Variants in PABPC4L observed in about 807,000 individuals in gnomAD.
The protein encoded by PABPC4L is polyadenylate-binding protein 4-like.
For synonymous variants in PABPC4L, 169 were observed against 164.1 expected, an observed-to-expected ratio of 1.03 and a Z score of -0.23; for missense variants, 452 against 451.4, an observed-to-expected ratio of 1.00 and a Z score of -0.01.
the PABPC4L span, among the ~76,000 whole-genome samples, chr4:134,150,148 T>A: frequency 6.6e-6 from 1 of 151,226 alleles, no homozygotes; most frequent in South Asian, 2.1e-4. Context: ...AATGGCGCGA[T>A]CTCGGCTCAC....
the PABPC4L span, among the ~76,000 whole-genome samples, chr4:134,094,271 T>G: frequency 4.6e-5 from 7 of 151,970 alleles, no homozygotes; most frequent in South Asian, 4.1e-4. Flanking sequence ...TCAACCAAGA[T>G]AGCCATTCAC....
chr4:134,182,480 C>G, the PABPC4L span, among the ~76,000 whole-genome samples: 2 of 151,884 alleles, frequency 1.3e-5, no homozygotes, highest in African/African-American at 4.8e-5. Flanking sequence ...ATATGTAAAG[C>G]CCAAAACTAT....
the PABPC4L span, among the ~76,000 whole-genome samples, chr4:134,124,992 C>A: frequency 6.6e-6 from 1 of 152,052 alleles, no homozygotes; most frequent in Non-Finnish European, 1.5e-5. Context: ...TTATTGAAGA[C>A]CACACCGGTA....
the PABPC4L span, among the ~76,000 whole-genome samples, chr4:134,058,940 T>G: frequency 2.4e-4 from 37 of 151,924 alleles, 1 homozygote; most frequent in Non-Finnish European, 4.4e-4. Context: ...AACACTGAAA[T>G]CTAAGTGTTA....
the PABPC4L span, among the ~76,000 whole-genome samples, chr4:134,059,392 A>ATATATG: frequency 6.7e-6 from 1 of 149,534 alleles, no homozygotes; most frequent in Admixed American, 6.7e-5. Flanking sequence ...CAAACTATAT[A>ATATATG]TATATATATA....
At chr4:133,996,484 G>A in the PABPC4L span, among the ~76,000 whole-genome samples, 1 of 152,152 alleles carries the variant, frequency 6.6e-6, no homozygotes, top group East Asian at 1.9e-4. Context: ...TGTTGCTGTT[G>A]AGCTGATAAC....
At chr4:134,022,315 AG>A in the PABPC4L span, among the ~76,000 whole-genome samples, 4 of 152,160 alleles carry the variant, frequency 2.6e-5, no homozygotes, top group Admixed American at 6.6e-5. Context: ...TCCCTAAATT[AG>A]CCGCATTCAG....
At chr4:134,020,837 C>T in the PABPC4L span, among the ~76,000 whole-genome samples, 4 of 152,018 alleles carry the variant, frequency 2.6e-5, no homozygotes, top group Admixed American at 6.6e-5. Context: ...TATATAATCT[C>T]ATAATATAGT....
At chr4:134,195,436 T>C (rs957371493), downstream of PABPC4L, among the ~76,000 whole-genome samples, 8 of 151,600 alleles carry the variant, frequency 5.3e-5, no homozygotes, top group African/African-American at 1.9e-4. Context: ...TGATATTCAC[T>C]GAATGCAAAA....
At chr4:134,115,386 G>C in the PABPC4L span, among the ~76,000 whole-genome samples, 1 of 151,708 alleles carries the variant, frequency 6.6e-6, no homozygotes, top group Non-Finnish European at 1.5e-5. Flanking sequence ...GAGAGAGGGG[G>C]AGAATGAGGG....
chr4:134,016,915 T>G, the PABPC4L span, among the ~76,000 whole-genome samples: 2 of 152,152 alleles, frequency 1.3e-5, no homozygotes, highest in African/African-American at 4.8e-5. Flanking sequence ...ACTACTCACA[T>G]GCCCCAAGTA....
chr4:134,081,461 G>A, the PABPC4L span, among the ~76,000 whole-genome samples: 1 of 152,086 alleles, frequency 6.6e-6, no homozygotes, highest in Non-Finnish European at 1.5e-5. Flanking sequence ...AAGAGAAGAG[G>A]GATGTTCTTC....
At chr4:134,109,725 G>T in the PABPC4L span, among the ~76,000 whole-genome samples, 2 of 151,646 alleles carry the variant, frequency 1.3e-5, no homozygotes, top group Non-Finnish European at 1.5e-5. Flanking sequence ...TTAAATCAAA[G>T]ATTTTATTAT....
chr4:133,979,265 C>CA, the PABPC4L span, among the ~76,000 whole-genome samples: 1 of 152,112 alleles, frequency 6.6e-6, no homozygotes. Context: ...AAATCTAATA[C>CA]AATTTTTATG....
chr4:134,151,425 A>G, the PABPC4L span, among the ~76,000 whole-genome samples: 9 of 152,078 alleles, frequency 5.9e-5, no homozygotes, highest in Non-Finnish European at 1.2e-4. Context: ...CATCAAAACG[A>G]TCATATTATA....
the PABPC4L span, among the ~76,000 whole-genome samples, chr4:134,148,091 C>A: frequency 6.6e-6 from 1 of 152,016 alleles, no homozygotes; most frequent in Non-Finnish European, 1.5e-5. Flanking sequence ...CCAGCACTCA[C>A]AATGCACAGA....
chr4:134,020,435 T>C, the PABPC4L span, among the ~76,000 whole-genome samples: 1 of 152,130 alleles, frequency 6.6e-6, no homozygotes, highest in Non-Finnish European at 1.5e-5. Flanking sequence ...GTTCTCCAGA[T>C]ATTAGGATAT....
the PABPC4L span, among the ~76,000 whole-genome samples, chr4:134,009,249 A>G: frequency 6.6e-6 from 1 of 151,978 alleles, no homozygotes; most frequent in African/African-American, 2.4e-5. Context: ...AAATTTTAAA[A>G]CACCCAAAAG....
chr4:134,094,832 A>T, the PABPC4L span, among the ~76,000 whole-genome samples: 1 of 151,706 alleles, frequency 6.6e-6, no homozygotes, highest in East Asian at 1.9e-4. Flanking sequence ...TTTCATTAGA[A>T]AAATGTGAAA....
Sources: gnomAD v4.1 joint callset for allele counts (sites outside exome capture counted in the v4.1 genomes callset) on GRCh38, gnomAD v4.1.1 for gene constraint, MANE v1.5 for transcripts, NCBI Gene and HGNC (gene_info 2026-07-23, HGNC 2026-07-21) for gene names.